Variants in TOX observed in about 807,000 individuals in gnomAD.
TOX encodes the protein thymocyte selection-associated high mobility group box protein TOX.
Under a neutral mutation model 53.7 loss-of-function variants are expected in TOX, and 11 were observed. That is an observed-to-expected ratio of 0.20 (90% CI 0.13 to 0.34). TOX has a LOEUF of 0.34. Among genes scored for constraint, TOX ranks in the 10% least tolerant of loss-of-function variants. The probability of loss-of-function intolerance (pLI) is 1.00; values close to 1 mark genes in which losing one functional copy is unlikely to be tolerated. For synonymous variants in TOX, 225 were observed against 245.3 expected, an observed-to-expected ratio of 0.92 and a Z score of 0.77; for missense variants, 570 against 664.6, an observed-to-expected ratio of 0.86 and a Z score of 1.56.
At chr8:58,849,740 A>T (rs1224696810) in intron 4 of TOX, among the ~76,000 whole-genome samples, 1 of 152,230 alleles carries the variant, frequency 6.6e-6, no homozygotes, top group Non-Finnish European at 1.5e-5. Context: ...ACTGATAAAG[A>T]CACAATCCAG....
At chr8:59,010,924 CA>C (rs1287650519) in intron 1 of TOX, among the ~76,000 whole-genome samples, 2 of 152,194 alleles carry the variant, frequency 1.3e-5, no homozygotes, top group Non-Finnish European at 2.9e-5. Flanking sequence ...TGCCTATCTG[CA>C]TAGCTGAATC....
intron 3 of TOX, among the ~76,000 whole-genome samples, chr8:58,890,220 A>C (rs1012699298): frequency 1.3e-5 from 2 of 151,902 alleles, no homozygotes; most frequent in Admixed American, 6.6e-5. Flanking sequence ...AGAAATTCAA[A>C]GAGGAATCCA....
intron 3 of TOX, among the ~76,000 whole-genome samples, chr8:58,900,975 AG>A (rs1210231569): frequency 6.6e-6 from 1 of 152,110 alleles, no homozygotes; most frequent in Non-Finnish European, 1.5e-5. Context: ...ATAACTAAAA[AG>A]AATCCACTAT....
chr8:58,830,241 A>G (rs1810430525), intron 5 of TOX, among the ~76,000 whole-genome samples: 1 of 152,168 alleles, frequency 6.6e-6, no homozygotes. Context: ...AACACGTTTG[A>G]GTTCATCCTG....
chr8:58,904,498 G>A (rs889975840), intron 3 of TOX, among the ~76,000 whole-genome samples: 2 of 152,088 alleles, frequency 1.3e-5, no homozygotes, highest in Non-Finnish European at 2.9e-5. Context: ...ACCTGTGGTT[G>A]AGCTCTGGGA....
intron 1 of TOX, among the ~76,000 whole-genome samples, chr8:59,023,766 T>C (rs1399445908): frequency 1.3e-5 from 2 of 152,216 alleles, no homozygotes; most frequent in Admixed American, 1.3e-4. Context: ...ACACAGAGTG[T>C]TGTGCCAGAT....
At chr8:58,998,800 A>G (rs1052019924) in intron 1 of TOX, among the ~76,000 whole-genome samples, 2 of 151,822 alleles carry the variant, frequency 1.3e-5, no homozygotes, top group African/African-American at 2.4e-5. Context: ...TAGTCTTCCT[A>G]TTTTGAGTAT....
At chr8:59,042,066 C>G (rs1238893018) in intron 1 of TOX, among the ~76,000 whole-genome samples, 1 of 152,116 alleles carries the variant, frequency 6.6e-6, no homozygotes, top group Non-Finnish European at 1.5e-5. Flanking sequence ...TAATTGGGAA[C>G]ACTTGTACTA....
At chr8:58,996,585 A>G (rs414596) in intron 1 of TOX, among the ~76,000 whole-genome samples, 94,898 of 152,032 alleles carry the variant, frequency 0.62, 30,487 homozygotes, top group South Asian at 0.75. Context: ...GTCCCTTAAT[A>G]AGGCAATACC....
At chr8:59,010,182 G>A (rs1043525443) in intron 1 of TOX, among the ~76,000 whole-genome samples, 2 of 152,222 alleles carry the variant, frequency 1.3e-5, no homozygotes, top group African/African-American at 2.4e-5. Flanking sequence ...TTAAAATCTG[G>A]AAGCCTGATT....
At chr8:59,092,264 T>TGTATATATATA (rs1174716509) in intron 1 of TOX, among the ~76,000 whole-genome samples, 1 of 51,888 alleles carries the variant, frequency 1.9e-5, no homozygotes, top group African/African-American at 1.9e-4. Flanking sequence ...ATATATATAT[T>TGTATATATATA]TTATATATAT....
intron 7 of TOX, among the ~76,000 whole-genome samples, chr8:58,813,040 G>A (rs915387899): frequency 1.3e-5 from 2 of 152,192 alleles, no homozygotes; most frequent in Admixed American, 1.3e-4. Context: ...TGGGTAAATT[G>A]TAATCAGGTC....
At chr8:58,943,270 G>A (rs949532145) in intron 2 of TOX, among the ~76,000 whole-genome samples, 9 of 152,164 alleles carry the variant, frequency 5.9e-5, no homozygotes, top group African/African-American at 1.4e-4. Flanking sequence ...GCTGGGGCAC[G>A]TGAAGGAAGT....
intron 3 of TOX, among the ~76,000 whole-genome samples, chr8:58,923,285 A>G (rs1812102451): frequency 6.6e-6 from 1 of 152,172 alleles, no homozygotes; most frequent in African/African-American, 2.4e-5. Flanking sequence ...TCATGGTGGC[A>G]GTGGTGAAGA....
intron 1 of TOX, among the ~76,000 whole-genome samples, chr8:59,071,263 A>G (rs1804193239): frequency 1.3e-5 from 2 of 152,130 alleles, no homozygotes; most frequent in South Asian, 4.1e-4. Context: ...AAACTCCAAG[A>G]CACATACTTA....
intron 2 of TOX, 144 bp from the exon 3 acceptor site, chr8:58,939,688 G>T: frequency 2.5e-6 from 3 of 1,202,222 alleles, no homozygotes; most frequent in East Asian, 2.6e-5. Context: ...TTATCCTGCT[G>T]CCATTTCATC....
intron 1 of TOX, among the ~76,000 whole-genome samples, chr8:59,041,950 C>T (rs1369140216): frequency 1.3e-5 from 2 of 152,098 alleles, no homozygotes; most frequent in Non-Finnish European, 2.9e-5. Flanking sequence ...TGTAAGTTTT[C>T]CTTGCATTAA....
At chr8:59,110,365 T>C (rs1485998579) in intron 1 of TOX, among the ~76,000 whole-genome samples, 2 of 151,044 alleles carry the variant, frequency 1.3e-5, no homozygotes, top group African/African-American at 4.9e-5. Context: ...TGTATTGGTA[T>C]AGAAAGGAAG....
At chr8:58,939,643 A>G in intron 2 of TOX, 99 bp from the exon 3 acceptor site, 2 of 1,478,576 alleles carry the variant, frequency 1.4e-6, no homozygotes, top group Non-Finnish European at 1.8e-6. Context: ...TACAAGCAGC[A>G]TATGGATTTG....
Sources: allele counts gnomAD v4.1 joint callset (sites outside exome capture counted in the v4.1 genomes callset), GRCh38; gene constraint gnomAD v4.1.1; transcripts MANE v1.5; gene names NCBI Gene and HGNC (gene_info 2026-07-23, HGNC 2026-07-21).